Variants in BLMH observed in about 807,000 individuals in gnomAD.
BLMH encodes BLM hydrolase.
BLMH carries 32 observed loss-of-function variants against 61.6 expected under a neutral mutation model. The ratio of observed to expected loss-of-function variants is 0.52; its 90% CI spans 0.39 to 0.70. BLMH has a LOEUF of 0.70. Ranked by LOEUF, BLMH falls within the 30% of genes least tolerant of loss-of-function variation. The pLI is 0.00. For missense variants in BLMH, 460 were observed against 555.5 expected, an observed-to-expected ratio of 0.83 and a Z score of 1.73; for synonymous variants, 183 against 193.8, an observed-to-expected ratio of 0.94 and a Z score of 0.46.
chr17:30,251,944 G>A (rs1276820707), intron 11 of BLMH: 2 of 152,076 alleles, frequency 1.3e-5, no homozygotes, highest in African/African-American at 2.4e-5. Flanking sequence ...AATATATTTT[G>A]AGGAAAAAAA....
intron 11 of BLMH, among the ~76,000 whole-genome samples, chr17:30,255,488 T>A (rs1907787575): frequency 6.6e-6 from 1 of 152,240 alleles, no homozygotes; most frequent in African/African-American, 2.4e-5. Context: ...CTGGTATACA[T>A]AATTACTAAC....
At chr17:30,263,244 T>C (rs1435371297) in intron 11 of BLMH, among the ~76,000 whole-genome samples, 2 of 152,230 alleles carry the variant, frequency 1.3e-5, no homozygotes, top group East Asian at 3.8e-4. Context: ...CTAGGGGATC[T>C]GCAGGTCACT....
chr17:30,266,532 A>G (rs981210957), intron 11 of BLMH, among the ~76,000 whole-genome samples: 1 of 149,766 alleles, frequency 6.7e-6, no homozygotes, highest in Non-Finnish European at 1.5e-5. Flanking sequence ...CCAAAAAAAA[A>G]AAAAAAGAAA....
chr17:30,262,554 G>C (rs944908731), intron 11 of BLMH, among the ~76,000 whole-genome samples: 5 of 152,150 alleles, frequency 3.3e-5, no homozygotes, highest in African/African-American at 4.8e-5. Flanking sequence ...CAGCACTTTG[G>C]GAGGCCGAGG....
chr17:30,286,828 T>A lies in BLMH; in HGVS notation c.538A>T (p.Ile180Phe). 6.3e-7 allele frequency: 1 copy of A among 1,587,102 alleles called. No individual in the cohort carries two copies. The highest frequency in any genetic ancestry group is 8.7e-7 in the Non-Finnish European group (1 of 1,155,750). The change falls in exon 5 of 12, where the codon ATT becomes TTT. Residue 180 changes from isoleucine (I) to phenylalanine (F), a missense_variant. Coordinates refer to ENST00000261714, the MANE Select transcript of BLMH (RefSeq NM_000386.4). ...ATATATTGTACCTTGTGATTCAGAA[T>A]ATCATTCATCCTTCTGGTTGCCTCT... The part of the protein sequence containing the change: ...TTEATRRMND[I>F]LNHKMREFCI...
At chr17:30,261,277 G>A (rs7223487) in intron 11 of BLMH, among the ~76,000 whole-genome samples, 12,802 of 152,250 alleles carry the variant, frequency 0.084, 834 homozygotes, top group African/African-American at 0.17. Context: ...ACAACTGTCA[G>A]TAAGTTTTAG....
chr17:30,260,102 C>G (rs533048292), intron 11 of BLMH, among the ~76,000 whole-genome samples: 1 of 152,240 alleles, frequency 6.6e-6, no homozygotes, highest in East Asian at 1.9e-4. Context: ...CTCACAACAA[C>G]CCTACGAGAT....
At position 30,271,308 on chromosome 17, in the gene BLMH, A is replaced by G. The variant is rs1908263473; in HGVS notation, c.1109T>C (p.Met370Thr). The G allele has an allele frequency of 3.1e-6, 5 of 1,614,050 alleles. No homozygotes were observed. The highest frequency in any genetic ancestry group is 3.4e-6 in the Non-Finnish European group (4 of 1,180,002). The stretch of plus-strand genomic sequence containing the variant: ...AGCAGTGAAGGTCATGGCGTGGGTC[A>G]TAAGTGACTCACCAAAAGTCAGCCT... ...AERLTFGESLMTHAMTFTAVS... is the reference protein window; with the variant it reads ...AERLTFGESLTTHAMTFTAVS... Residue 370 changes from methionine to threonine, a missense_variant, in exon 10 of 12, where the codon ATG becomes ACG. Physicochemically the swap from Met to Thr is moderately conservative, Grantham distance 81. Transcript: ENST00000261714.
At chr17:30,255,643 AATCC>A (rs1907791656) in intron 11 of BLMH, among the ~76,000 whole-genome samples, 1 of 152,200 alleles carries the variant, frequency 6.6e-6, no homozygotes, top group Non-Finnish European at 1.5e-5. Flanking sequence ...TCATGCCTGT[AATCC>A]CAGCACTTTG....
At position 30,272,607 on chromosome 17, in the gene BLMH, C is replaced by T; in HGVS notation, c.982G>A (p.Val328Ile). The T allele has an allele frequency of 6.2e-7, 1 of 1,614,150 alleles. No individual in the cohort carries two copies. The highest frequency in any genetic ancestry group is 8.5e-7 in the Non-Finnish European group (1 of 1,180,026). ...AGCTTGCTATTGAAGTGTTTTCCAACATCACAGCCAAACCACACAGCCTAG... is the reference window on the plus strand; with the variant it reads ...AGCTTGCTATTGAAGTGTTTTCCAATATCACAGCCAAACCACACAGCCTAG... ...DGEAVWFGCD[V>I]GKHFNSKLGL... Residue 328 changes from valine to isoleucine, a missense_variant, in exon 9 of 12, where the codon GTT (valine) becomes ATT (isoleucine). By Grantham distance (29) the Val-to-Ile change is conservative (BLOSUM62 3). Around this residue, in one of 5 missense-constraint regions of BLMH, gnomAD observed 310 missense variants for 371.1 expected, o/e 0.84. Coordinates refer to ENST00000261714, the MANE Select transcript of BLMH (RefSeq NM_000386.4).
chr17:30,258,421 G>A (rs560854877), intron 11 of BLMH, among the ~76,000 whole-genome samples: 7 of 152,190 alleles, frequency 4.6e-5, no homozygotes, highest in East Asian at 1.9e-4. Context: ...TATTACTTGC[G>A]GCCTCTTTCA....
rs1907591884 is a variant in BLMH, at chr17:30,248,714, C to A, written c.*303G>T. On this transcript the variant is annotated 3_prime_UTR_variant, in exon 12 of 12. Coordinates refer to ENST00000261714, the MANE Select transcript of BLMH (RefSeq NM_000386.4). ...TCTTATTAAAACACAGACACAGAAC[C>A]AAACTTTTTGACAGTTAAAGACAAA... 2.0e-5 allele frequency: 6 copies of A among 298,136 alleles called. No individual in the cohort carries two copies. In the South Asian group the frequency reaches 2.9e-4, roughly 14 times the overall value. The allele number at this position is 298,136 out of a possible 1,614,324, so 18.5% of individuals were successfully genotyped here. A position where few individuals can be genotyped will look rare whatever the true frequency, so the allele number is the denominator to read the frequency against.
intron 6 of BLMH, among the ~76,000 whole-genome samples, chr17:30,281,302 T>A (rs1443545546): frequency 6.6e-6 from 1 of 152,036 alleles, no homozygotes; most frequent in Non-Finnish European, 1.5e-5. Flanking sequence ...GGTGTTTATA[T>A]CAAAGAAAGA....
At chr17:30,267,156 GA>G (rs1908136003) in intron 10 of BLMH, among the ~76,000 whole-genome samples, 1 of 152,170 alleles carries the variant, frequency 6.6e-6, no homozygotes, top group South Asian at 2.1e-4. Context: ...TACTCCAGTA[GA>G]AATGGAATTT....
intron 11 of BLMH, among the ~76,000 whole-genome samples, chr17:30,257,317 T>G (rs761781658): frequency 6.6e-6 from 1 of 152,194 alleles, no homozygotes; most frequent in Non-Finnish European, 1.5e-5. Flanking sequence ...GAAGCTGTAC[T>G]GATGTACTGA....
At chr17:30,272,379 T>G (rs1009818732) in intron 9 of BLMH, 182 bp downstream of exon 9, 1 of 685,010 alleles carries the variant, frequency 1.5e-6, no homozygotes, top group Admixed American at 2.5e-5. Flanking sequence ...TGGGTTAGAG[T>G]GTTTAAGTAT....
intron 11 of BLMH, among the ~76,000 whole-genome samples, chr17:30,251,558 A>C (rs1484140135): frequency 6.6e-6 from 1 of 152,162 alleles, no homozygotes; most frequent in Non-Finnish European, 1.5e-5. Context: ...TTTTTCTCTG[A>C]AAGTTTGTAT....
intron 11 of BLMH, among the ~76,000 whole-genome samples, chr17:30,261,357 AG>A (rs1907954356): frequency 6.6e-6 from 1 of 152,248 alleles, no homozygotes; most frequent in Non-Finnish European, 1.5e-5. Context: ...TGATGTCATG[AG>A]GAGAAATAAA....
At position 30,273,170 on chromosome 17, in the gene BLMH, T is replaced by TA. The variant is rs1597663033; in HGVS notation, c.802-272_802-271insT. 6 of 287,554 alleles carry TA rather than the reference T, an allele frequency of 2.1e-5. No individual in the cohort carries two copies. In the East Asian group the frequency reaches 4.0e-4, roughly 19 times the overall value. The allele number at this position is 287,554 out of a possible 1,614,324, so 17.8% of individuals were successfully genotyped here. A position where few individuals can be genotyped will look rare whatever the true frequency, so the allele number is the denominator to read the frequency against. ...CAAGAACTGCTCCAAAAGCAATTTT[T>TA]TTTTTTTTTTTTTTGAGACAGAATC... On this transcript the variant is annotated intron_variant, in intron 7 of 11. Transcript: ENST00000261714.
Sources: gnomAD v4.1 joint callset for allele counts (sites outside exome capture counted in the v4.1 genomes callset) on GRCh38, gnomAD v4.1.1 for gene constraint, gnomAD v4.1.1 regional missense constraint, MANE v1.5 for transcripts, NCBI Gene and HGNC (gene_info 2026-07-23, HGNC 2026-07-21) for gene names.